The following CTNNA1 variants were observed in gnomAD, a reference collection of about 807,000 sequenced individuals.
CTNNA1 encodes the protein catenin alpha 1.
A neutral mutation model predicts 98.4 loss-of-function variants in CTNNA1; 37 were observed. The ratio of observed to expected loss-of-function variants is 0.38; its 90% CI spans 0.29 to 0.49. The LOEUF (loss-of-function observed/expected upper bound fraction) is 0.49. Ranked by LOEUF, CTNNA1 falls within the 20% of genes least tolerant of loss-of-function variation. The probability of loss-of-function intolerance (pLI) is 0.95; values close to 1 mark genes in which losing one functional copy is unlikely to be tolerated. For missense variants in CTNNA1, 761 were observed against 1,147.2 expected (o/e 0.66, Z 4.86); for synonymous variants, 404 against 413.2 (o/e 0.98, Z 0.27).
At chr5:138,907,718 C>G (rs1388697602) in intron 10 of CTNNA1, among the ~76,000 whole-genome samples, 1 of 152,148 alleles carries the variant, frequency 6.6e-6, no homozygotes, top group Non-Finnish European at 1.5e-5. Context: ...AGCATGTAGC[C>G]AAACATTTAT....
At chr5:138,767,540 C>T (rs1265569114) in intron 1 of CTNNA1, among the ~76,000 whole-genome samples, 1 of 152,126 alleles carries the variant, frequency 6.6e-6, no homozygotes, top group East Asian at 1.9e-4. Context: ...TTTGGGTGCC[C>T]CTGGAGCACT....
intron 5 of CTNNA1, among the ~76,000 whole-genome samples, chr5:138,823,956 C>CAAAAAAAAAAAAAAAA (rs369653057): frequency 4.7e-5 from 3 of 64,422 alleles, no homozygotes; most frequent in Non-Finnish European, 6.0e-5. Context: ...GACTCCGTCT[C>CAAAAAAAAAAAAAAAA]AAAAAAAAAA....
intron 5 of CTNNA1, among the ~76,000 whole-genome samples, chr5:138,815,231 G>T (rs1269952109): frequency 3.3e-5 from 5 of 149,288 alleles, no homozygotes; most frequent in South Asian, 4.2e-4. Flanking sequence ...GTTTTTTTTT[G>T]AAAGTAGTAG....
intron 3 of CTNNA1, among the ~76,000 whole-genome samples, chr5:138,805,063 G>T (rs28745569): frequency 0.012 from 1,771 of 152,236 alleles, 29 homozygotes; most frequent in African/African-American, 0.041. Flanking sequence ...AGGAGCAAGA[G>T]AGGGGGTGGG....
At chr5:138,881,878 A>G (rs1020935673) in intron 7 of CTNNA1, among the ~76,000 whole-genome samples, 1 of 152,218 alleles carries the variant, frequency 6.6e-6, no homozygotes, top group African/African-American at 2.4e-5. Flanking sequence ...TTAAATGTTA[A>G]GGGTTAAAAC....
chr5:138,895,839 A>G (rs1472061220), intron 9 of CTNNA1, among the ~76,000 whole-genome samples: 3 of 152,224 alleles, frequency 2.0e-5, no homozygotes. Flanking sequence ...TTTCAGTAGC[A>G]TTTTAATACA....
chr5:138,769,269 A>G (rs1036071974), intron 1 of CTNNA1, among the ~76,000 whole-genome samples: 2 of 152,054 alleles, frequency 1.3e-5, no homozygotes, highest in Non-Finnish European at 1.5e-5. Context: ...CTGGCTTTCC[A>G]ACAAAAATAC....
chr5:138,889,215 T>C (rs1754804366), intron 9 of CTNNA1, among the ~76,000 whole-genome samples: 1 of 152,098 alleles, frequency 6.6e-6, no homozygotes. Context: ...TGGGTACCAG[T>C]GTGGTGAAGG....
At position 138,925,454 on chromosome 5, in the gene CTNNA1, T is replaced by G. The variant is rs961707194; in HGVS notation, c.1899+47T>G. The G allele has an allele frequency of 1.6e-5, 26 of 1,594,662 alleles. No homozygotes were observed. The Middle Eastern group carries it at 2.2e-3, about 133-fold the overall frequency. ...GTCTTAACAGCTTCTTTCTTATCAT[T>G]TGCTAAACTTGAGCAATGCGTCATT... On this transcript the variant is annotated intron_variant, in intron 13 of 17. Transcript: ENST00000302763.
At chr5:138,890,880 C>T (rs1755195254) in intron 9 of CTNNA1, among the ~76,000 whole-genome samples, 1 of 152,184 alleles carries the variant, frequency 6.6e-6, no homozygotes, top group Non-Finnish European at 1.5e-5. Context: ...GAGGTTTCCT[C>T]ACAGGAATCC....
At chr5:138,904,584 C>T (rs1758764606) in intron 10 of CTNNA1, 143 bp downstream of exon 10, 1 of 1,049,794 alleles carries the variant, frequency 9.5e-7, no homozygotes, top group African/African-American at 1.6e-5. Flanking sequence ...ACAGAACCCA[C>T]ATAGTTTGGA....
intron 7 of CTNNA1, chr5:138,875,723 C>CAAA: frequency 2.0e-6 from 2 of 985,376 alleles, no homozygotes; most frequent in Non-Finnish European, 2.4e-6. Flanking sequence ...GCTGATTTAA[C>CAAA]ACCAGCCTAT....
chr5:138,780,266 T>G (rs921872957), intron 1 of CTNNA1, among the ~76,000 whole-genome samples: 1 of 151,866 alleles, frequency 6.6e-6, no homozygotes, highest in Non-Finnish European at 1.5e-5. Context: ...TCTCTGCTAC[T>G]GCAAGCTCCG....
At chr5:138,933,056 C>A in intron 17 of CTNNA1, 1 of 734,702 alleles carries the variant, frequency 1.4e-6, no homozygotes, top group Non-Finnish European at 2.5e-6. Context: ...ATTACTTGAG[C>A]CTGGGAGATG....
intron 7 of CTNNA1, among the ~76,000 whole-genome samples, chr5:138,858,840 C>T (rs1763988822): frequency 6.6e-6 from 1 of 152,172 alleles, no homozygotes; most frequent in Non-Finnish European, 1.5e-5. Flanking sequence ...CTCAAGTGAT[C>T]CGCCTGCCTC....
At chr5:138,920,936 C>T (rs1446069917) in intron 11 of CTNNA1, among the ~76,000 whole-genome samples, 2 of 152,082 alleles carry the variant, frequency 1.3e-5, no homozygotes, top group Non-Finnish European at 2.9e-5. Flanking sequence ...CCGATGCCAG[C>T]ATTTTATGAG....
intron 1 of CTNNA1, among the ~76,000 whole-genome samples, chr5:138,774,656 C>A (rs966347639): frequency 1.3e-5 from 2 of 151,250 alleles, no homozygotes; most frequent in African/African-American, 4.9e-5. Context: ...GAGTCTCGCT[C>A]TGTCGCCCAG....
At chr5:138,833,780 G>A (rs1331909988) in intron 7 of CTNNA1, among the ~76,000 whole-genome samples, 1 of 152,130 alleles carries the variant, frequency 6.6e-6, no homozygotes, top group African/African-American at 2.4e-5. Context: ...ACTTAAAACT[G>A]TAGTTTTAGA....
chr5:138,759,652 C>G (rs1752094068), intron 1 of CTNNA1, among the ~76,000 whole-genome samples: 2 of 152,032 alleles, frequency 1.3e-5, no homozygotes, highest in African/African-American at 4.8e-5. Context: ...AATACGGATC[C>G]CTAATATTTG....
Sources: gnomAD v4.1 joint callset for allele counts (sites outside exome capture counted in the v4.1 genomes callset) on GRCh38, gnomAD v4.1.1 for gene constraint, MANE v1.5 for transcripts, NCBI Gene and HGNC (gene_info 2026-07-23, HGNC 2026-07-21) for gene names.